Variants in MAVS observed in about 807,000 individuals in gnomAD.
MAVS encodes the protein mitochondrial antiviral signaling protein.
A neutral mutation model predicts 30.2 loss-of-function variants in MAVS; 20 were observed. The ratio of observed to expected loss-of-function variants is 0.66; its 90% CI spans 0.47 to 0.96. The LOEUF is 0.96. Ranked by LOEUF, MAVS falls within the 40% of genes least tolerant of loss-of-function variation. The pLI is 0.00. For missense variants in MAVS, 624 were observed against 701.1 expected (o/e 0.89, Z 1.24); for synonymous variants, 278 against 293.9 (o/e 0.95, Z 0.55).
At chr20:3,863,623 G>A (rs1174107677) in intron 5 of MAVS, among the ~76,000 whole-genome samples, 1 of 152,020 alleles carries the variant, frequency 6.6e-6, no homozygotes, top group Non-Finnish European at 1.5e-5. Context: ...CCAGCTGTGG[G>A]GCTTGGCATG....
chr20:3,865,940 G>A lies in MAVS; in HGVS notation c.1416G>A (p.Glu472=). The part of the protein sequence containing the change: ...SEGTFGIHVA[E]NPSIQLLEGN... The stretch of plus-strand genomic sequence containing the variant: ...GCACCTTTGGGATCCACGTGGCTGA[G>A]AACCCCAGCATCCAGCTCCTGGAGG... Residue 472 remains glutamate, a synonymous_variant, in exon 7 of 7, where the codon GAG becomes GAA. Transcript: ENST00000428216. This position sits in a 1 kb window ranked among gnomAD's most constrained non-coding sequence, Gnocchi z 4.7. 1 of 1,613,770 alleles carries A rather than the reference G, an allele frequency of 6.2e-7. No homozygotes were observed.
At chr20:3,858,519 A>C (rs2089832918) in intron 3 of MAVS, among the ~76,000 whole-genome samples, 2 of 151,938 alleles carry the variant, frequency 1.3e-5, no homozygotes, top group Non-Finnish European at 2.9e-5. Flanking sequence ...CTCTACTAAA[A>C]ATACAGAAAA....
chr20:3,857,592 G>A, intron 2 of MAVS, 43 bp from the exon 3 acceptor site: 2 of 1,564,608 alleles, frequency 1.3e-6, no homozygotes, highest in Non-Finnish European at 1.7e-6. Context: ...GAAGTGGCAG[G>A]GGCCACCTGG....
chr20:3,848,850 G>A (rs983019566), intron 1 of MAVS, among the ~76,000 whole-genome samples: 1 of 152,134 alleles, frequency 6.6e-6, no homozygotes, highest in African/African-American at 2.4e-5. Context: ...TCCACCCAGT[G>A]CCCAAGGAGT....
At chr20:3,854,059 A>G (rs1338427509) in intron 1 of MAVS, among the ~76,000 whole-genome samples, 1 of 150,872 alleles carries the variant, frequency 6.6e-6, no homozygotes, top group Non-Finnish European at 1.5e-5. Flanking sequence ...TGGCCTCCCA[A>G]AGTGCTGGGA....
intron 1 of MAVS, among the ~76,000 whole-genome samples, chr20:3,851,708 C>T (rs1254886253): frequency 2.0e-5 from 3 of 151,894 alleles, no homozygotes; most frequent in Non-Finnish European, 4.4e-5. Flanking sequence ...GTAATCCCAG[C>T]GCTTTGGGAG....
chr20:3,852,834 A>ATTTTTTT (rs57163061), intron 1 of MAVS, among the ~76,000 whole-genome samples: 1 of 107,488 alleles, frequency 9.3e-6, no homozygotes, highest in African/African-American at 3.7e-5. Context: ...ATTCTGCAGA[A>ATTTTTTT]TTTTTTTTTT....
In MAVS at chr20:3,875,909, TA is replaced by T. The variant is rs2089987880; in HGVS notation, c.*9764del. On this transcript the variant is annotated 3_prime_UTR_variant, in exon 7 of 7. Coordinates refer to ENST00000428216, the MANE Select transcript of MAVS (RefSeq NM_020746.5). ...TTAATCACTTCGCTTGTATTTAACA[TA>T]AGAAAGAAAAACCCTTTCATTATCA... is the stretch of plus-strand genomic sequence containing the variant. 6.6e-6 allele frequency: 1 copy of T among 151,952 alleles called. No homozygotes were observed. The highest frequency in any genetic ancestry group is 2.1e-4 in the South Asian group (1 of 4,828). 9.4% of individuals were successfully genotyped at this position (151,952 alleles called of 1,614,324 possible).
At chr20:3,848,016 C>A (rs1408526865) in intron 1 of MAVS, among the ~76,000 whole-genome samples, 1 of 152,192 alleles carries the variant, frequency 6.6e-6, no homozygotes, top group African/African-American at 2.4e-5. Flanking sequence ...TCCCCTCCAT[C>A]TGTGGCTGAA....
chr20:3,849,168 T>C (rs2089736054), intron 1 of MAVS, among the ~76,000 whole-genome samples: 2 of 152,146 alleles, frequency 1.3e-5, no homozygotes, highest in South Asian at 4.1e-4. Flanking sequence ...GCCACCTCCT[T>C]GACCTTGACA....
In MAVS at chr20:3,868,256, C is replaced by G. The variant is rs1199174524; in HGVS notation, c.*2109C>G. On this transcript the variant is annotated 3_prime_UTR_variant, in exon 7 of 7. Transcript: ENST00000428216. Reference sequence around the variant, plus strand: ...CCTAAACCCCAGTTAGGTACCCATGCTGGGCAGGTCAGTTAACAATTTATG... The same window carrying G: ...CCTAAACCCCAGTTAGGTACCCATGGTGGGCAGGTCAGTTAACAATTTATG... 6.6e-6 allele frequency: 1 copy of G among 152,338 alleles called. No homozygotes were observed. The highest frequency in any genetic ancestry group is 1.9e-4 in the East Asian group (1 of 5,338). 9.4% of individuals were successfully genotyped at this position (152,338 alleles called of 1,614,324 possible).
intron 2 of MAVS, among the ~76,000 whole-genome samples, chr20:3,856,468 C>T (rs1344503661): frequency 6.7e-6 from 1 of 149,240 alleles, no homozygotes; most frequent in Non-Finnish European, 1.5e-5. Flanking sequence ...TCTCCTGCTT[C>T]AGCCTCCTGA....
At position 3,875,106 on chromosome 20, in the gene MAVS, T is replaced by A. The variant is rs1422061446; in HGVS notation, c.*8959T>A. The stretch of plus-strand genomic sequence containing the variant: ...CCCTGCTTTTGTGTAAATGCTGACC[T>A]CCTTGCCTACATTTTAAAAACCTAG... On this transcript the variant is annotated 3_prime_UTR_variant, in exon 7 of 7. Transcript: ENST00000428216. 1 of 152,274 alleles carries A rather than the reference T, an allele frequency of 6.6e-6. No individual in the cohort carries two copies. Among genetic ancestry groups the A allele is most frequent in the African/African-American group, 2.4e-5 (1 of 41,450 alleles). 9.4% of individuals were successfully genotyped at this position (152,274 alleles called of 1,614,324 possible). A position where few individuals can be genotyped will look rare whatever the true frequency, so the allele number is the denominator to read the frequency against.
rs556427084 is a variant in MAVS, at chr20:3,851,454, C to T, written c.-67-3104C>T. On this transcript the variant is annotated intron_variant, in intron 1 of 6. Coordinates refer to ENST00000428216, the MANE Select transcript of MAVS (RefSeq NM_020746.5). ...GTGGGAGATGGAGGCTGCAGTGAGC[C>T]GAGATCACACCACTGCACTCCAGCC... is the stretch of plus-strand genomic sequence containing the variant. Among the ~76,000 whole-genome samples the T allele has an allele frequency of 3.4e-5, 5 of 145,068 alleles. No individual in the cohort carries two copies. The South Asian group carries it at 8.8e-4, about 25-fold the overall frequency.
Position 3,854,693 on chromosome 20 carries a change from T to A in MAVS, c.69T>A (p.Asp23Glu), listed in dbSNP as rs749688035. The change falls in exon 2 of 7, where the codon GAT becomes GAA. Residue 23 changes from aspartate (D) to glutamate (E), a missense_variant. Coordinates refer to ENST00000428216, the MANE Select transcript of MAVS (RefSeq NM_020746.5). ...CRNFSNFCNV[D>E]VVEILPYLPC... ...ATTTCAGCAATTTTTGCAATGTGGA[T>A]GTTGTAGAGATTCTGCCTTACCTGC... 1 of 1,613,888 alleles carries A rather than the reference T, an allele frequency of 6.2e-7. No individual in the cohort carries two copies. The highest frequency in any genetic ancestry group is 2.2e-5 in the East Asian group (1 of 44,844).
chr20:3,850,372 C>T (rs1214050455), intron 1 of MAVS, among the ~76,000 whole-genome samples: 2 of 147,670 alleles, frequency 1.4e-5, no homozygotes, highest in African/African-American at 2.5e-5. Context: ...CCGAGGTGAG[C>T]GGATCACCTG....
At chr20:3,856,832 G>A (rs1365215678) in intron 2 of MAVS, among the ~76,000 whole-genome samples, 1 of 151,668 alleles carries the variant, frequency 6.6e-6, no homozygotes, top group Non-Finnish European at 1.5e-5. Flanking sequence ...TCAGGAGTTC[G>A]AGACCAGCCT....
At chr20:3,858,176 G>C (rs908881716) in intron 3 of MAVS, among the ~76,000 whole-genome samples, 6 of 151,870 alleles carry the variant, frequency 4.0e-5, no homozygotes, top group African/African-American at 1.5e-4. Context: ...TGTAGCATTC[G>C]CCTCCCACCC....
Position 3,867,359 on chromosome 20 carries a change from G to T in MAVS, c.*1212G>T. On this transcript the variant is annotated 3_prime_UTR_variant, in exon 7 of 7. Coordinates refer to ENST00000428216, the MANE Select transcript of MAVS (RefSeq NM_020746.5). ...GGATGAGTCCTGGCATTTACCAAGG[G>T]TTGGATATATGTTATTATCACTATT... The T allele has an allele frequency of 7.1e-6, 2 of 283,042 alleles. No homozygotes were observed. Among genetic ancestry groups the T allele is most frequent in the Non-Finnish European group, 1.4e-5 (2 of 144,664 alleles). 17.5% of individuals were successfully genotyped at this position (283,042 alleles called of 1,614,324 possible). A position where few individuals can be genotyped will look rare whatever the true frequency, so the allele number is the denominator to read the frequency against.
Sources: gnomAD v4.1 joint callset for allele counts (sites outside exome capture counted in the v4.1 genomes callset) on GRCh38, gnomAD v4.1.1 for gene constraint, Gnocchi (gnomAD v3.1) non-coding constraint, MANE v1.5 for transcripts, NCBI Gene and HGNC (gene_info 2026-07-23, HGNC 2026-07-21) for gene names.